Variants in SLC24A2 observed in about 807,000 individuals in gnomAD.
The protein encoded by SLC24A2 is solute carrier family 24 member 2.
A neutral mutation model predicts 62.0 loss-of-function variants in SLC24A2; 36 were observed. The ratio of observed to expected loss-of-function variants is 0.58; its 90% confidence interval spans 0.44 to 0.77. The LOEUF (loss-of-function observed/expected upper bound fraction) is 0.77. Among genes scored for constraint, SLC24A2 ranks in the 30% least tolerant of loss-of-function variants. SLC24A2 has a pLI of 0.00. For missense variants in SLC24A2, 846 were observed against 817.9 expected, an observed-to-expected ratio of 1.03 and a Z score of -0.42; for synonymous variants, 358 against 294.0, an observed-to-expected ratio of 1.22 and a Z score of -2.23.
Position 19,509,185 on chromosome 9 carries a change from G to A in SLC24A2, c.*6968C>T, listed in dbSNP as rs1017034422. 2.0e-5 allele frequency: 3 copies of A among 151,998 alleles called. No homozygotes were observed. The highest frequency in any genetic ancestry group is 2.9e-5 in the Non-Finnish European group (2 of 67,972). 9.4% of individuals were successfully genotyped at this position (151,998 alleles called of 1,614,324 possible). ...GCTTTATATAACAAAATGGATTCCT[G>A]AAAAAAATCTACAATTTTAAAATAA... On this transcript the variant is annotated 3_prime_UTR_variant, in exon 11 of 11. Coordinates refer to ENST00000341998, the MANE Select transcript of SLC24A2 (RefSeq NM_020344.4).
intron 2 of SLC24A2, among the ~76,000 whole-genome samples, chr9:19,762,947 A>G (rs866289062): frequency 1.3e-5 from 2 of 152,148 alleles, no homozygotes; most frequent in African/African-American, 4.8e-5. Context: ...CTTCCTATCC[A>G]TGAGCACGGA....
chr9:19,561,940 C>G (rs1348607658), intron 7 of SLC24A2, among the ~76,000 whole-genome samples: 1 of 152,162 alleles, frequency 6.6e-6, no homozygotes, highest in African/African-American at 2.4e-5. Context: ...GAACTGAAAT[C>G]AAGGTTTCAA....
chr9:20,217,657 C>CAA, the SLC24A2 span, among the ~76,000 whole-genome samples: 1 of 152,080 alleles, frequency 6.6e-6, no homozygotes, highest in Admixed American at 6.6e-5. Flanking sequence ...TGGTTAAAGC[C>CAA]TGAAACTGCA....
chr9:19,702,029 A>G (rs1820371212), intron 2 of SLC24A2, among the ~76,000 whole-genome samples: 1 of 152,184 alleles, frequency 6.6e-6, no homozygotes, highest in Non-Finnish European at 1.5e-5. Flanking sequence ...AAAAAACCAC[A>G]TGATCTTAGA....
At chr9:20,133,509 G>A in the SLC24A2 span, among the ~76,000 whole-genome samples, 10 of 152,056 alleles carry the variant, frequency 6.6e-5, no homozygotes, top group South Asian at 1.0e-3. Flanking sequence ...TAATAATTAA[G>A]CATCGCAAAT....
the SLC24A2 span, among the ~76,000 whole-genome samples, chr9:20,128,291 T>C: frequency 6.6e-6 from 1 of 152,138 alleles, no homozygotes; most frequent in Non-Finnish European, 1.5e-5. Context: ...AGAGATATCA[T>C]CTTCAAATGT....
the SLC24A2 span, among the ~76,000 whole-genome samples, chr9:19,820,923 C>T: frequency 6.6e-6 from 1 of 151,994 alleles, no homozygotes; most frequent in Non-Finnish European, 1.5e-5. Flanking sequence ...ATTTTAGACC[C>T]CAGCATCATA....
At chr9:19,520,478 T>C (rs1050155576) in intron 10 of SLC24A2, among the ~76,000 whole-genome samples, 2 of 152,192 alleles carry the variant, frequency 1.3e-5, no homozygotes, top group African/African-American at 4.8e-5. Context: ...ACAGGATATG[T>C]ATGGTAGGCC....
chr9:19,834,949 C>G, the SLC24A2 span, among the ~76,000 whole-genome samples: 1 of 152,142 alleles, frequency 6.6e-6, no homozygotes, highest in African/African-American at 2.4e-5. Context: ...GAATTTTCAA[C>G]CCAGAATTTC....
chr9:20,267,952 C>A, the SLC24A2 span, among the ~76,000 whole-genome samples: 7 of 152,076 alleles, frequency 4.6e-5, no homozygotes, highest in African/African-American at 7.2e-5. Flanking sequence ...TACCTTTAAC[C>A]TCCCCATCCC....
chr9:20,141,978 G>A, the SLC24A2 span, among the ~76,000 whole-genome samples: 1 of 152,122 alleles, frequency 6.6e-6, no homozygotes, highest in East Asian at 1.9e-4. Flanking sequence ...AGCTAACTGG[G>A]AGGCTGAGGC....
the SLC24A2 span, among the ~76,000 whole-genome samples, chr9:19,883,286 C>T: frequency 6.6e-6 from 1 of 152,140 alleles, no homozygotes; most frequent in Non-Finnish European, 1.5e-5. Flanking sequence ...TGATAAACTT[C>T]TAGTATCATA....
intron 2 of SLC24A2, among the ~76,000 whole-genome samples, chr9:19,754,326 G>T (rs563969927): frequency 6.6e-6 from 1 of 152,210 alleles, no homozygotes; most frequent in African/African-American, 2.4e-5. Flanking sequence ...CATGAAGAGC[G>T]TAGGACTTGG....
upstream of SLC24A2, among the ~76,000 whole-genome samples, chr9:19,792,635 G>A (rs148342542): frequency 0.012 from 1,779 of 151,700 alleles, 27 homozygotes; most frequent in Non-Finnish European, 0.015. Flanking sequence ...TTGAACCTGG[G>A]ATGCGGAGGG....
At chr9:19,948,978 C>G in the SLC24A2 span, among the ~76,000 whole-genome samples, 1 of 151,846 alleles carries the variant, frequency 6.6e-6, no homozygotes, top group Non-Finnish European at 1.5e-5. Context: ...TCCCCACCTT[C>G]CATTTATTTA....
the SLC24A2 span, among the ~76,000 whole-genome samples, chr9:20,033,088 CA>C: frequency 6.6e-6 from 1 of 152,068 alleles, no homozygotes. Flanking sequence ...TTTAGATTTT[CA>C]GGGTTTAGAA....
chr9:19,525,391 C>CTTTTTTTTTTTTTTTTTTTTTTTTTTTTT (rs572919824), intron 9 of SLC24A2, among the ~76,000 whole-genome samples: 1 of 76,374 alleles, frequency 1.3e-5, no homozygotes, highest in Admixed American at 1.8e-4. Context: ...TATTTCTTTA[C>CTTTTTTTTTTTTTTTTTTTTTTTTTTTTT]TTTTTTTTTT....
chr9:19,997,495 G>A, the SLC24A2 span, among the ~76,000 whole-genome samples: 8 of 152,240 alleles, frequency 5.3e-5, 1 homozygote, highest in East Asian at 1.5e-3. Context: ...CCATTTGTGA[G>A]CCCAAGAAGA....
the SLC24A2 span, among the ~76,000 whole-genome samples, chr9:20,268,357 C>T: frequency 9.9e-5 from 15 of 152,152 alleles, no homozygotes; most frequent in Admixed American, 6.6e-4. Context: ...CCCAACATGG[C>T]AGTATTGGGA....
Sources: gnomAD v4.1 joint callset for allele counts (sites outside exome capture counted in the v4.1 genomes callset) on GRCh38, gnomAD v4.1.1 for gene constraint, MANE v1.5 for transcripts, NCBI Gene and HGNC (gene_info 2026-07-23, HGNC 2026-07-21) for gene names.